Variants in MICU1 observed in about 807,000 individuals in gnomAD.
The protein encoded by MICU1 is mitochondrial calcium uptake 1, also known as calcium uptake protein 1, mitochondrial.
A neutral mutation model predicts 56.8 loss-of-function variants in MICU1; 45 were observed. The ratio of observed to expected loss-of-function variants is 0.79; its 90% CI spans 0.62 to 1.02. The LOEUF (loss-of-function observed/expected upper bound fraction) is 1.02, where lower values mean the gene tolerates loss of function less well. MICU1 is among the 50% of genes least tolerant of loss of function. The pLI is 0.00. For synonymous variants in MICU1, 186 were observed against 195.1 expected, an observed-to-expected ratio of 0.95 and a Z score of 0.39; for missense variants, 504 against 587.1, an observed-to-expected ratio of 0.86 and a Z score of 1.46.
At chr10:72,619,180 C>A (rs1176059139) in intron 1 of MICU1, among the ~76,000 whole-genome samples, 3 of 152,174 alleles carry the variant, frequency 2.0e-5, no homozygotes, top group Non-Finnish European at 2.9e-5. Context: ...CCCGGTGGCT[C>A]ACACCTGTAA....
At chr10:72,427,760 A>ATATATATATG (rs2132148463) in intron 8 of MICU1, among the ~76,000 whole-genome samples, 1 of 84,772 alleles carries the variant, frequency 1.2e-5, no homozygotes, top group South Asian at 3.2e-4. Context: ...ATATATATAT[A>ATATATATATG]TATATATATG....
chr10:72,549,891 T>C (rs970753219), intron 4 of MICU1, among the ~76,000 whole-genome samples: 5 of 146,148 alleles, frequency 3.4e-5, no homozygotes, highest in African/African-American at 5.3e-5. Flanking sequence ...GATTGCGCCA[T>C]TGTATTCCAG....
intron 8 of MICU1, among the ~76,000 whole-genome samples, chr10:72,439,566 G>T (rs2132177841): frequency 6.6e-6 from 1 of 152,284 alleles, no homozygotes; most frequent in East Asian, 1.9e-4. Flanking sequence ...TCAAGCAAGA[G>T]AAAGAAATAA....
At chr10:72,576,121 GTAGAA>G (rs1223128886) in intron 1 of MICU1, among the ~76,000 whole-genome samples, 1 of 147,680 alleles carries the variant, frequency 6.8e-6, no homozygotes, top group Non-Finnish European at 1.5e-5. Flanking sequence ...GGCTGAAACA[GTAGAA>G]TCTCTTGAAC....
intron 8 of MICU1, among the ~76,000 whole-genome samples, chr10:72,451,007 C>T (rs1173568810): frequency 1.0e-4 from 15 of 147,958 alleles, no homozygotes; most frequent in African/African-American, 2.5e-4. Flanking sequence ...TGAGCTACTG[C>T]GCCCAGTCCC....
chr10:72,447,726 G>A (rs916983300), intron 8 of MICU1, among the ~76,000 whole-genome samples: 1 of 152,146 alleles, frequency 6.6e-6, no homozygotes. Context: ...AAATGGCCAT[G>A]TTCAATGAAT....
intron 6 of MICU1, among the ~76,000 whole-genome samples, chr10:72,480,741 C>A (rs939426925): frequency 6.6e-6 from 1 of 152,208 alleles, no homozygotes; most frequent in Non-Finnish European, 1.5e-5. Flanking sequence ...ACAGAGGTGA[C>A]ACAGACTGCT....
At chr10:72,565,170 C>T (rs1310583484) in intron 2 of MICU1, among the ~76,000 whole-genome samples, 2 of 151,508 alleles carry the variant, frequency 1.3e-5, no homozygotes, top group Non-Finnish European at 2.9e-5. Flanking sequence ...CATCATGCTG[C>T]TATAAAGACA....
intron 8 of MICU1, among the ~76,000 whole-genome samples, chr10:72,464,651 T>C (rs191947258): frequency 6.6e-6 from 1 of 152,218 alleles, no homozygotes; most frequent in Admixed American, 6.5e-5. Context: ...CACTCTACGA[T>C]GTTTGCACAA....
intron 1 of MICU1, among the ~76,000 whole-genome samples, chr10:72,601,120 A>T (rs1355799885): frequency 6.6e-6 from 1 of 152,180 alleles, no homozygotes; most frequent in Non-Finnish European, 1.5e-5. Context: ...TTTTATAATT[A>T]TTCCTTAAGT....
At chr10:72,603,318 T>C (rs574704402) in intron 1 of MICU1, among the ~76,000 whole-genome samples, 2 of 147,024 alleles carry the variant, frequency 1.4e-5, no homozygotes, top group East Asian at 2.0e-4. Context: ...ACCTGGGAGA[T>C]GGAGGTTGCA....
chr10:72,579,786 T>C (rs768849653), intron 1 of MICU1, among the ~76,000 whole-genome samples: 7 of 152,154 alleles, frequency 4.6e-5, no homozygotes, highest in Non-Finnish European at 7.3e-5. Context: ...TATATAAACT[T>C]TGTCTCATGC....
At chr10:72,448,616 A>C (rs1158974376) in intron 8 of MICU1, among the ~76,000 whole-genome samples, 2 of 152,194 alleles carry the variant, frequency 1.3e-5, no homozygotes, top group Non-Finnish European at 2.9e-5. Context: ...AATGCAATAA[A>C]GATTGGGAGA....
intron 10 of MICU1, among the ~76,000 whole-genome samples, chr10:72,402,290 G>A (rs562294769): frequency 6.6e-6 from 1 of 152,266 alleles, no homozygotes; most frequent in African/African-American, 2.4e-5. Flanking sequence ...CCATGGCCAG[G>A]CACAATTGTT....
chr10:72,406,131 G>A (rs142049434), intron 10 of MICU1, among the ~76,000 whole-genome samples: 2,172 of 151,894 alleles, frequency 0.014, 45 homozygotes, highest in African/African-American at 0.048. Context: ...AGTGAATTTA[G>A]CAAAATTACA....
chr10:72,583,907 G>C (rs758944153), intron 1 of MICU1, among the ~76,000 whole-genome samples: 1 of 152,172 alleles, frequency 6.6e-6, no homozygotes, highest in Non-Finnish European at 1.5e-5. Flanking sequence ...AATGAGAAAA[G>C]CTCACACTTC....
chr10:72,400,182 T>C (rs192615163), intron 10 of MICU1, among the ~76,000 whole-genome samples: 2 of 152,252 alleles, frequency 1.3e-5, no homozygotes, highest in Admixed American at 1.3e-4. Context: ...TAATGAGACA[T>C]GAACTATATG....
At position 72,625,359 on chromosome 10, in the gene MICU1, G is replaced by A. The variant is rs145711316; in HGVS notation, c.-2+651C>T. On this transcript the variant is annotated intron_variant, in intron 1 of 11. Coordinates refer to ENST00000361114, the MANE Select transcript of MICU1 (RefSeq NM_001195518.2). ...TACAGAGAAGGCAACTTGAAGAACA[G>A]TTTGTTTTAAACTGTTCTCCCAACA... is the stretch of plus-strand genomic sequence containing the variant. Among the ~76,000 whole-genome samples the A allele has an allele frequency of 3.0e-4, 45 of 152,284 alleles. No homozygotes were observed. In the East Asian group the frequency reaches 8.1e-3, roughly 27 times the overall value.
At chr10:72,566,440 T>C (rs1840441203) in intron 2 of MICU1, among the ~76,000 whole-genome samples, 193 bp downstream of exon 2, 1 of 152,186 alleles carries the variant, frequency 6.6e-6, no homozygotes, top group Non-Finnish European at 1.5e-5. Context: ...AAGCACAGTG[T>C]TTCCTAAGTA....
Sources: gnomAD v4.1 joint callset for allele counts (sites outside exome capture counted in the v4.1 genomes callset) on GRCh38, gnomAD v4.1.1 for gene constraint, MANE v1.5 for transcripts, NCBI Gene and HGNC (gene_info 2026-07-23, HGNC 2026-07-21) for gene names.